The following FOXK1 variants were observed in gnomAD, a reference collection of about 807,000 sequenced individuals.
The protein encoded by FOXK1 is forkhead box protein K1.
In FOXK1, 19 loss-of-function variants were observed where a neutral mutation model predicts 51.9. That is an observed-to-expected ratio of 0.37 (90% CI 0.26 to 0.54). The LOEUF is 0.54. FOXK1 is among the 20% of genes least tolerant of loss of function. The pLI, the probability that FOXK1 is intolerant of heterozygous loss-of-function variation, is 0.87. For synonymous variants in FOXK1, 537 were observed against 482.6 expected (o/e 1.11, Z -1.48); for missense variants, 870 against 1,032.7 (o/e 0.84, Z 2.16).
chr7:4,715,768 C>T lies in FOXK1; in HGVS notation c.561-25070C>T, dbSNP rs1161200919. ...CGGGCACCCTGAGGTTCCCTCACAGCGAATCCACCGAAGAGCGCTCCCATC... is the reference window on the plus strand; with the variant it reads ...CGGGCACCCTGAGGTTCCCTCACAGTGAATCCACCGAAGAGCGCTCCCATC... On this transcript the variant is annotated intron_variant, in intron 1 of 8. Transcript: ENST00000328914. The surrounding 1 kb of genome is among the most constrained non-coding windows in gnomAD (Gnocchi z 4.5). 2.6e-5 allele frequency among the ~76,000 whole-genome samples: 4 copies of T among 152,132 alleles called. No individual in the cohort carries two copies. The highest frequency in any genetic ancestry group is 2.9e-5 in the Non-Finnish European group (2 of 68,032).
rs1583189617 is a variant in FOXK1 at position 4,710,284 on chromosome 7, G to A, written c.560+27416G>A. ...AGGATAGGCCAGTGTACTGGCTCAC[G>A]CCTGTAATCCCAGCACCTTGGGAGG... On this transcript the variant is annotated intron_variant, in intron 1 of 8. Coordinates refer to ENST00000328914, the MANE Select transcript of FOXK1 (RefSeq NM_001037165.2). 3.3e-5 allele frequency among the ~76,000 whole-genome samples: 5 copies of A among 152,212 alleles called. No homozygotes were observed. The South Asian group carries it at 6.2e-4, about 19-fold the overall frequency.
chr7:4,723,885 G>A lies in FOXK1; in HGVS notation c.561-16953G>A, dbSNP rs138668144. On this transcript the variant is annotated intron_variant, in intron 1 of 8. Transcript: ENST00000328914. The surrounding 1 kb of genome is among the most constrained non-coding windows in gnomAD (Gnocchi z 4.7). ...GGGATCTCACTATGTTGCCCAGGCCGGTCTCGACCTCCTAGGCTCAAGCGA... is the reference window on the plus strand; with the variant it reads ...GGGATCTCACTATGTTGCCCAGGCCAGTCTCGACCTCCTAGGCTCAAGCGA... Among the ~76,000 whole-genome samples, 79 of 152,174 alleles carry A rather than the reference G, an allele frequency of 5.2e-4. No individual in the cohort carries two copies. Among genetic ancestry groups the A allele is most frequent in the East Asian group, 5.0e-3 (26 of 5,178 alleles).
At chr7:4,728,766 C>T (rs966183852) in intron 1 of FOXK1, among the ~76,000 whole-genome samples, 11 of 137,272 alleles carry the variant, frequency 8.0e-5, no homozygotes, top group Non-Finnish European at 1.6e-4. Flanking sequence ...GAAAAGAAAA[C>T]GTATTTTTCT....
chr7:4,753,033 T>G lies in FOXK1; in HGVS notation c.747-1426T>G, dbSNP rs1780799026. Among the ~76,000 whole-genome samples, 1 of 152,250 alleles carries G rather than the reference T, an allele frequency of 6.6e-6. No homozygotes were observed. Among genetic ancestry groups the G allele is most frequent in the East Asian group, 1.9e-4 (1 of 5,198 alleles). ...GATCGAGCCATTTGTGGGTGTTCAT[T>G]TAAGTTTCGACACGTGTGGAACTTA... is the stretch of plus-strand genomic sequence containing the variant. On this transcript the variant is annotated intron_variant, in intron 2 of 8. Coordinates refer to ENST00000328914, the MANE Select transcript of FOXK1 (RefSeq NM_001037165.2). The surrounding 1 kb of genome is among the most constrained non-coding windows in gnomAD (Gnocchi z 4.9).
rs142633154 is a variant in FOXK1, at chr7:4,705,313, C to T, written c.560+22445C>T. 4.2e-3 allele frequency among the ~76,000 whole-genome samples: 639 copies of T among 151,420 alleles called. 2 individuals carry two copies. Among genetic ancestry groups the T allele is most frequent in the African/African-American group, 0.015 (611 of 41,278 alleles). On this transcript the variant is annotated intron_variant, in intron 1 of 8. Transcript: ENST00000328914. ...AGCCATCTTCCCACCTCAGCCTCCC[C>T]AGTAGCTGGGACTACAGGCGCATGC... is the stretch of plus-strand genomic sequence containing the variant.
At chr7:4,744,277 G>C (rs1188286740) in intron 2 of FOXK1, among the ~76,000 whole-genome samples, 3 of 151,792 alleles carry the variant, frequency 2.0e-5, no homozygotes, top group African/African-American at 7.3e-5. Flanking sequence ...TTTTATCTTA[G>C]CTTCAGGGGG....
At chr7:4,751,329 G>T (rs897309829) in intron 2 of FOXK1, among the ~76,000 whole-genome samples, 7 of 152,102 alleles carry the variant, frequency 4.6e-5, no homozygotes, top group African/African-American at 1.7e-4. Context: ...ACAAGCGTGA[G>T]CCACCGTGCC....
intron 1 of FOXK1, among the ~76,000 whole-genome samples, chr7:4,705,808 T>A (rs1780083138): frequency 6.7e-6 from 1 of 148,890 alleles, no homozygotes; most frequent in Non-Finnish European, 1.5e-5. Flanking sequence ...CAAAGTGGGA[T>A]TACATGTGTG....
intron 1 of FOXK1, among the ~76,000 whole-genome samples, chr7:4,690,077 G>C (rs1028858595): frequency 4.6e-5 from 7 of 152,224 alleles, no homozygotes; most frequent in African/African-American, 1.7e-4. Flanking sequence ...GATTAGGGAG[G>C]GTTGGTCTGT....
chr7:4,702,954 C>G (rs776262738), intron 1 of FOXK1, among the ~76,000 whole-genome samples: 7 of 152,134 alleles, frequency 4.6e-5, no homozygotes, highest in African/African-American at 1.7e-4. Context: ...CCTTTGTCCT[C>G]GTCCCCAGGG....
At chr7:4,752,035 C>G (rs1037490451) in intron 2 of FOXK1, among the ~76,000 whole-genome samples, 8 of 152,352 alleles carry the variant, frequency 5.3e-5, no homozygotes, top group Admixed American at 2.0e-4. Flanking sequence ...TCACTGCAGC[C>G]TCGACCTCCC....
At chr7:4,746,341 A>G (rs1489116378) in intron 2 of FOXK1, among the ~76,000 whole-genome samples, 3 of 152,200 alleles carry the variant, frequency 2.0e-5, no homozygotes, top group Non-Finnish European at 4.4e-5. Flanking sequence ...GATCTACGTT[A>G]GAAATACTCT....
chr7:4,730,762 A>G lies in FOXK1; in HGVS notation c.561-10076A>G, dbSNP rs1780442083. Among the ~76,000 whole-genome samples the G allele has an allele frequency of 6.6e-6, 1 of 152,250 alleles. No individual in the cohort carries two copies. The highest frequency in any genetic ancestry group is 6.5e-5 in the Admixed American group (1 of 15,280). ...CACCTGTGTTCGTTTTGGGGTTGTC[A>G]TAAATAAATGCCTTCCATTTTTAAT... is the stretch of plus-strand genomic sequence containing the variant. On this transcript the variant is annotated intron_variant, in intron 1 of 8. Transcript: ENST00000328914. This position sits in a 1 kb window ranked among gnomAD's most constrained non-coding sequence, Gnocchi z 4.7.
rs759162506 is a variant in FOXK1, at chr7:4,753,089, G to T, written c.747-1370G>T. Among the ~76,000 whole-genome samples, 4 of 152,214 alleles carry T rather than the reference G, an allele frequency of 2.6e-5. No homozygotes were observed. Among genetic ancestry groups the T allele is most frequent in the Non-Finnish European group, 5.9e-5 (4 of 68,044 alleles). On this transcript the variant is annotated intron_variant, in intron 2 of 8. Coordinates refer to ENST00000328914, the MANE Select transcript of FOXK1 (RefSeq NM_001037165.2). This position sits in a 1 kb window ranked among gnomAD's most constrained non-coding sequence, Gnocchi z 4.9. ...CTCTGCCATATTTGGGGAGTCCGTT[G>T]TAAGAGAGAATGGGAATTCCAGATC...
intron 1 of FOXK1, 76 bp from the exon 2 acceptor site, chr7:4,740,762 C>G (rs1031092180): frequency 2.8e-6 from 4 of 1,445,820 alleles, no homozygotes; most frequent in Middle Eastern, 3.5e-4. Context: ...GACACACAGA[C>G]ACGCACCTTC....
chr7:4,759,812 C>CT (rs1780908004), intron 7 of FOXK1: 3 of 618,758 alleles, frequency 4.8e-6, no homozygotes, highest in Admixed American at 3.2e-5. Context: ...GGGTGGATTA[C>CT]TTGAGGTCCG....
Position 4,749,254 on chromosome 7 carries a change from C to T in FOXK1, c.747-5205C>T, listed in dbSNP as rs1318907220. ...CTCCCTAGGGACGGGAACCATGTTT[C>T]ATCTCCTCCCAAGCTCCCGTAGGCT... On this transcript the variant is annotated intron_variant, in intron 2 of 8. Transcript: ENST00000328914. This position sits in a 1 kb window ranked among gnomAD's most constrained non-coding sequence, Gnocchi z 6.0. Among the ~76,000 whole-genome samples, 1 of 152,178 alleles carries T rather than the reference C, an allele frequency of 6.6e-6. No homozygotes were observed. Among genetic ancestry groups the T allele is most frequent in the Non-Finnish European group, 1.5e-5 (1 of 68,022 alleles).
Position 4,759,377 on chromosome 7 carries a change from A to G in FOXK1, c.1478A>G (p.Lys493Arg), listed in dbSNP as rs766872799. Residue 493 changes from lysine to arginine, a missense_variant, in exon 7 of 9, where the codon AAG becomes AGG. Lys to Arg is a conservative substitution (Grantham distance 26). Transcript: ENST00000328914. The stretch of plus-strand genomic sequence containing the variant: ...CCCCGACCGTCCAGCCTCGTGGCCA[A>G]GCCCGTGGCCTACATGCCCGCCTCC... ...VPPRPSSLVAKPVAYMPASIV... is the reference protein window; with the variant it reads ...VPPRPSSLVARPVAYMPASIV... 1.1e-5 allele frequency: 18 copies of G among 1,602,460 alleles called. No individual in the cohort carries two copies. In the African/African-American group the frequency reaches 2.3e-4, roughly 20 times the overall value.
At position 4,756,960 on chromosome 7, in the gene FOXK1, C is replaced by A; in HGVS notation, c.1051-34C>A. 1 of 1,603,198 alleles carries A rather than the reference C, an allele frequency of 6.2e-7. No individual in the cohort carries two copies. ...TGGGTGGGACTCATTTTCTGATTTG[C>A]TGGTGATGGGTGAATATCTCTGCTT... On this transcript the variant is annotated intron_variant, in intron 4 of 8. Transcript: ENST00000328914. This position sits in a 1 kb window ranked among gnomAD's most constrained non-coding sequence, Gnocchi z 4.1.
Sources: gnomAD v4.1 joint callset for allele counts (sites outside exome capture counted in the v4.1 genomes callset) on GRCh38, gnomAD v4.1.1 for gene constraint, Gnocchi (gnomAD v3.1) non-coding constraint, MANE v1.5 for transcripts, NCBI Gene and HGNC (gene_info 2026-07-23, HGNC 2026-07-21) for gene names.